Variants in STIM1 observed in about 807,000 individuals in gnomAD.
STIM1 encodes stromal interaction molecule 1.
STIM1 carries 25 observed loss-of-function variants against 74.7 expected under a neutral mutation model. The ratio of observed to expected loss-of-function variants is 0.33; its 90% confidence interval spans 0.24 to 0.47. STIM1 has a LOEUF of 0.47. Ranked by LOEUF, STIM1 falls within the 20% of genes least tolerant of loss-of-function variation. STIM1 has a pLI of 1.00. For synonymous variants in STIM1, 328 were observed against 348.8 expected, an observed-to-expected ratio of 0.94 and a Z score of 0.66; for missense variants, 728 against 920.8, an observed-to-expected ratio of 0.79 and a Z score of 2.71.
intron 1 of STIM1, among the ~76,000 whole-genome samples, chr11:3,937,210 G>A (rs969082048): frequency 1.3e-5 from 2 of 151,700 alleles, no homozygotes; most frequent in African/African-American, 4.8e-5. Flanking sequence ...AGGACCACCT[G>A]AGCCTAGGAG....
chr11:3,856,522 A>T, intron 1 of STIM1, 113 bp downstream of exon 1: 1 of 1,297,040 alleles, frequency 7.7e-7, no homozygotes, highest in East Asian at 2.4e-5. Flanking sequence ...TGGAGGATTC[A>T]CACATGGCAC....
chr11:4,067,083 G>A (rs1211908049), intron 5 of STIM1, among the ~76,000 whole-genome samples: 1 of 152,110 alleles, frequency 6.6e-6, no homozygotes, highest in African/African-American at 2.4e-5. Context: ...GTCCATCTGA[G>A]TATCTCCAAG....
chr11:3,882,338 A>G (rs2091547912), intron 1 of STIM1, among the ~76,000 whole-genome samples: 1 of 151,948 alleles, frequency 6.6e-6, no homozygotes, highest in Non-Finnish European at 1.5e-5. Flanking sequence ...ACCTCAGGTG[A>G]TTCGCCCACC....
intron 2 of STIM1, among the ~76,000 whole-genome samples, chr11:3,994,018 T>A (rs1335878690): frequency 2.6e-5 from 4 of 152,232 alleles, no homozygotes; most frequent in African/African-American, 7.2e-5. Flanking sequence ...GGGGGGTCAC[T>A]TAAAGAGCTT....
At chr11:4,078,963 C>A (rs2094451052) in intron 7 of STIM1, among the ~76,000 whole-genome samples, 1 of 151,846 alleles carries the variant, frequency 6.6e-6, no homozygotes, top group African/African-American at 2.4e-5. Context: ...GAAATTAAAA[C>A]TGAGAACATT....
chr11:4,051,260 A>G (rs1326046340), intron 3 of STIM1, among the ~76,000 whole-genome samples: 1 of 152,168 alleles, frequency 6.6e-6, no homozygotes, highest in Non-Finnish European at 1.5e-5. Context: ...ATATATCTAG[A>G]TGATACAGAA....
At chr11:3,879,627 T>G (rs915483813) in intron 1 of STIM1, among the ~76,000 whole-genome samples, 1 of 152,214 alleles carries the variant, frequency 6.6e-6, no homozygotes, top group Non-Finnish European at 1.5e-5. Context: ...CTCCATATTA[T>G]TGTAAACAAA....
intron 6 of STIM1, among the ~76,000 whole-genome samples, chr11:4,070,731 T>C (rs559571202): frequency 9.2e-5 from 14 of 152,352 alleles, no homozygotes; most frequent in African/African-American, 3.4e-4. Context: ...CCTTGGAGAA[T>C]GCTAAACTCT....
At chr11:3,975,187 G>A (rs972957115) in intron 2 of STIM1, among the ~76,000 whole-genome samples, 2 of 152,204 alleles carry the variant, frequency 1.3e-5, no homozygotes, top group Non-Finnish European at 2.9e-5. Flanking sequence ...GTAGTCTAGT[G>A]ACTTTGCCTT....
intron 1 of STIM1, chr11:3,892,433 G>T (rs10835252): frequency 0.29 from 415,130 of 1,441,326 alleles, 63,964 homozygotes; most frequent in South Asian, 0.41. Flanking sequence ...CTTCTTGCTG[G>T]TCTTGCCATT....
chr11:3,909,600 G>T (rs1195308465), intron 1 of STIM1, among the ~76,000 whole-genome samples: 1 of 152,032 alleles, frequency 6.6e-6, no homozygotes, highest in African/African-American at 2.4e-5. Flanking sequence ...TGAGGCGGGC[G>T]GATCACGAGG....
Position 4,091,453 on chromosome 11 carries a change from AC to A in STIM1, c.1807del (p.Leu603CysfsTer15). The A allele has an allele frequency of 6.2e-7, 1 of 1,614,154 alleles. No individual in the cohort carries two copies. Among genetic ancestry groups the A allele is most frequent in the Non-Finnish European group, 8.5e-7 (1 of 1,180,020 alleles). On this transcript the variant is annotated frameshift_variant, in exon 13 of 13. Coordinates refer to ENST00000526596, the MANE Select transcript of STIM1 (RefSeq NM_001382567.1). LOFTEE classifies it high-confidence loss of function. The part of the protein sequence containing the change: ...GVHPGSLVEK[L>X]PDSPALAKKA... ...TCCACCCAGGGTCTCTGGTGGAGAAACTGCCTGACAGCCCTGCCCTGGCCAA... is the reference window on the plus strand; with the variant it reads ...TCCACCCAGGGTCTCTGGTGGAGAAATGCCTGACAGCCCTGCCCTGGCCAA...
At chr11:3,995,585 C>A (rs986681681) in intron 2 of STIM1, among the ~76,000 whole-genome samples, 2 of 152,142 alleles carry the variant, frequency 1.3e-5, no homozygotes, top group Admixed American at 6.5e-5. Context: ...CAGACTAATC[C>A]AACTATATTA....
chr11:4,037,199 G>A (rs535499527), intron 3 of STIM1, among the ~76,000 whole-genome samples: 1 of 152,028 alleles, frequency 6.6e-6, no homozygotes. Context: ...GGAATTACAG[G>A]TGTGTCCCAC....
intron 1 of STIM1, among the ~76,000 whole-genome samples, chr11:3,896,696 G>A (rs540337135): frequency 5.3e-4 from 81 of 152,290 alleles, no homozygotes; most frequent in South Asian, 1.7e-3. Context: ...AATTGGTGGT[G>A]GGGGAAATTG....
At chr11:4,079,665 A>C (rs2094455179) in intron 7 of STIM1, among the ~76,000 whole-genome samples, 1 of 152,234 alleles carries the variant, frequency 6.6e-6, no homozygotes. Flanking sequence ...AACAATTTTG[A>C]AAACACAATT....
intron 3 of STIM1, among the ~76,000 whole-genome samples, chr11:4,046,261 C>T (rs1401056208): frequency 2.6e-5 from 4 of 151,882 alleles, no homozygotes; most frequent in Non-Finnish European, 4.4e-5. Flanking sequence ...TCCTTCTTTT[C>T]TCAACGGTAT....
intron 1 of STIM1, among the ~76,000 whole-genome samples, chr11:3,957,361 G>A (rs1206928945): frequency 2.6e-5 from 4 of 151,678 alleles, no homozygotes; most frequent in Non-Finnish European, 4.4e-5. Flanking sequence ...GTTTCAAGCC[G>A]TTCTCCTGCC....
At position 4,093,065 on chromosome 11, in the gene STIM1, G is replaced by A. The variant is rs1328914592; in HGVS notation, c.*1267G>A. ...TATCCTGGGATCCTATTTTGGGCCT[G>A]GGGTGGGTATACCTGGGGCTGGTCT... On this transcript the variant is annotated 3_prime_UTR_variant, in exon 13 of 13. Transcript: ENST00000526596. 6.6e-6 allele frequency: 1 copy of A among 152,618 alleles called. No homozygotes were observed. Among genetic ancestry groups the A allele is most frequent in the Non-Finnish European group, 1.5e-5 (1 of 68,162 alleles). 9.5% of individuals were successfully genotyped at this position (152,618 alleles called of 1,614,324 possible). A position where few individuals can be genotyped will look rare whatever the true frequency, so the allele number is the denominator to read the frequency against.
Sources: gnomAD v4.1 joint callset for allele counts (sites outside exome capture counted in the v4.1 genomes callset) on GRCh38, gnomAD v4.1.1 for gene constraint, MANE v1.5 for transcripts, NCBI Gene and HGNC (gene_info 2026-07-23, HGNC 2026-07-21) for gene names.